Variants in SLC6A16 observed in about 807,000 individuals in gnomAD.
The protein encoded by SLC6A16 is solute carrier family 6 member 16.
A neutral mutation model predicts 65.4 loss-of-function variants in SLC6A16; 54 were observed. The observed-to-expected ratio is 0.83, with a 90% CI of 0.66 to 1.04. The LOEUF (loss-of-function observed/expected upper bound fraction) is 1.04. Ranked by LOEUF, SLC6A16 falls within the 50% of genes least tolerant of loss-of-function variation. SLC6A16 has a pLI of 0.00. For missense variants in SLC6A16, 816 were observed against 914.0 expected, an observed-to-expected ratio of 0.89 and a Z score of 1.38; for synonymous variants, 330 against 346.5, an observed-to-expected ratio of 0.95 and a Z score of 0.53.
intron 7 of SLC6A16, among the ~76,000 whole-genome samples, chr19:49,303,630 G>A (rs1174981452): frequency 6.8e-6 from 1 of 147,856 alleles, no homozygotes; most frequent in Non-Finnish European, 1.5e-5. Flanking sequence ...ACTCCAGCCT[G>A]AGTGACAGTG....
At chr19:49,332,338 C>T in the SLC6A16 span, 32 of 453,130 alleles carry the variant, frequency 7.1e-5, no homozygotes, top group African/African-American at 4.0e-4. Context: ...GGGTGGATCA[C>T]GAGGTCAGGA....
chr19:49,339,685 C>T, the SLC6A16 span: 1 of 1,421,592 alleles, frequency 7.0e-7, no homozygotes, highest in Non-Finnish European at 9.2e-7. This position sits in a 1 kb window ranked among gnomAD's most constrained non-coding sequence, Gnocchi z 4.5. Flanking sequence ...GAGCGTACAG[C>T]TACAGCGCAG....
chr19:49,290,338 G>T lies in SLC6A16; in HGVS notation c.1996C>A (p.Leu666Ile), dbSNP rs761892206. 2.4e-5 allele frequency: 38 copies of T among 1,613,946 alleles called. No individual in the cohort carries two copies. Among genetic ancestry groups the T allele is most frequent in the African/African-American group, 4.0e-5 (3 of 74,878 alleles). The change falls in exon 12 of 12, where the codon CTT becomes ATT. Residue 666 changes from leucine to isoleucine, a missense_variant. Transcript: ENST00000335875. ...PPWALLLMIT[L>I]FAIVILPIPA... The stretch of plus-strand genomic sequence containing the variant: ...ATGGGGAGGATGACAATGGCAAAAA[G>T]GGTGATCATCAAGAGCAGTGCCCAC...
In SLC6A16 at chr19:49,294,399, T is replaced by G. The variant is rs749318396; in HGVS notation, c.1384A>C (p.Thr462Pro). 3.1e-6 allele frequency: 5 copies of G among 1,614,082 alleles called. No homozygotes were observed. The highest frequency in any genetic ancestry group is 4.2e-6 in the Non-Finnish European group (5 of 1,180,014). The change falls in exon 8 of 12, where the codon ACT (threonine) becomes CCT (proline). Residue 462 changes from threonine (T) to proline (P), a missense_variant. Transcript: ENST00000335875. ...HIKSMVLREVTECNIETQFLK... is the reference protein window; with the variant it reads ...HIKSMVLREVPECNIETQFLK... ...AACTGAGTCTCTATGTTGCACTCAG[T>G]CACCTCGCGGAGAACCATGCTTTTG...
chr19:49,299,761 G>A (rs944069560), intron 7 of SLC6A16, among the ~76,000 whole-genome samples: 6 of 151,936 alleles, frequency 3.9e-5, no homozygotes, highest in Non-Finnish European at 8.8e-5. Context: ...GGTGGCTCAC[G>A]CCTGTAATCC....
intron 1 of SLC6A16, among the ~76,000 whole-genome samples, chr19:49,319,288 C>G (rs183789496): frequency 1.3e-5 from 2 of 151,866 alleles, no homozygotes; most frequent in African/African-American, 4.8e-5. Flanking sequence ...AATTTTCCAA[C>G]AAGCCAGATG....
intron 9 of SLC6A16, 80 bp downstream of exon 9, chr19:49,293,747 G>T (rs993249269): frequency 5.2e-5 from 67 of 1,292,416 alleles, no homozygotes; most frequent in Non-Finnish European, 7.2e-5. Flanking sequence ...CTGGGCTACA[G>T]GGACCCTGTC....
intron 7 of SLC6A16, among the ~76,000 whole-genome samples, chr19:49,295,971 C>T (rs533494184): frequency 3.9e-5 from 6 of 152,204 alleles, no homozygotes; most frequent in African/African-American, 9.6e-5. Flanking sequence ...CCAATTAACA[C>T]CATAGCAGGC....
intron 7 of SLC6A16, among the ~76,000 whole-genome samples, chr19:49,300,204 G>C (rs1032439066): frequency 2.0e-5 from 3 of 151,992 alleles, no homozygotes; most frequent in African/African-American, 7.3e-5. Context: ...AAATACATGA[G>C]GTGCATGCTT....
At chr19:49,294,620 A>C in intron 7 of SLC6A16, 67 bp from the exon 8 acceptor site, 1 of 1,341,574 alleles carries the variant, frequency 7.5e-7, no homozygotes, top group Non-Finnish European at 1.0e-6. Flanking sequence ...CTTTTCCCTT[A>C]TCTTCAAGAT....
intron 1 of SLC6A16, among the ~76,000 whole-genome samples, chr19:49,322,260 AT>A (rs1970724109): frequency 6.6e-6 from 1 of 152,216 alleles, no homozygotes; most frequent in African/African-American, 2.4e-5. Flanking sequence ...ACTCAGTTGC[AT>A]TTTTATACAC....
the SLC6A16 span, among the ~76,000 whole-genome samples, chr19:49,330,305 ACC>A: frequency 2.2e-4 from 33 of 152,280 alleles, no homozygotes; most frequent in Admixed American, 7.8e-4. Context: ...CTGCAAGGAG[ACC>A]TGGGAAATGA....
chr19:49,313,471 T>C (rs928590095), intron 1 of SLC6A16, among the ~76,000 whole-genome samples: 1 of 152,062 alleles, frequency 6.6e-6, no homozygotes, highest in African/African-American at 2.4e-5. Context: ...CACTCACCTG[T>C]ATTACTTTAA....
the SLC6A16 span, among the ~76,000 whole-genome samples, chr19:49,334,329 G>A: frequency 3.3e-5 from 5 of 151,758 alleles, no homozygotes; most frequent in African/African-American, 1.2e-4. Context: ...TACAAAAAAT[G>A]AAGAAAATTA....
Position 49,323,330 on chromosome 19 carries a change from A to C in SLC6A16, c.-65+1718T>G, listed in dbSNP as rs148791258. Among the ~76,000 whole-genome samples the C allele has an allele frequency of 6.6e-3, 1,001 of 152,202 alleles. 11 individuals carry two copies. Among genetic ancestry groups the C allele is most frequent in the African/African-American group, 0.023 (947 of 41,470 alleles). On this transcript the variant is annotated intron_variant, in intron 1 of 11. Coordinates refer to ENST00000335875, the MANE Select transcript of SLC6A16 (RefSeq NM_014037.3). ...CAATGAATTCTTGGATATGATACCA[A>C]AGGCAAAAGCAACAAAAGAAGAAAC...
chr19:49,305,485 G>A (rs986410163), intron 7 of SLC6A16, among the ~76,000 whole-genome samples: 2 of 151,900 alleles, frequency 1.3e-5, no homozygotes, highest in Non-Finnish European at 2.9e-5. Context: ...CCAGCTACTC[G>A]GGAAGGTGAG....
At chr19:49,322,119 A>G (rs549417632) in intron 1 of SLC6A16, among the ~76,000 whole-genome samples, 1 of 152,268 alleles carries the variant, frequency 6.6e-6, no homozygotes, top group African/African-American at 2.4e-5. Context: ...AAATATAAAT[A>G]AATAAAAGGA....
intron 1 of SLC6A16, among the ~76,000 whole-genome samples, chr19:49,324,656 C>T (rs369728207): frequency 6.6e-6 from 1 of 152,218 alleles, no homozygotes; most frequent in East Asian, 1.9e-4. Flanking sequence ...AAATAAGGAG[C>T]TGGTGTCCCA....
intron 7 of SLC6A16, among the ~76,000 whole-genome samples, chr19:49,308,594 A>G (rs749346960): frequency 6.6e-6 from 1 of 152,060 alleles, no homozygotes; most frequent in African/African-American, 2.4e-5. Context: ...AATGTTTGCA[A>G]TTTTTAGTAC....
Sources: gnomAD v4.1 joint callset for allele counts (sites outside exome capture counted in the v4.1 genomes callset) on GRCh38, gnomAD v4.1.1 for gene constraint, Gnocchi (gnomAD v3.1) non-coding constraint, MANE v1.5 for transcripts, NCBI Gene and HGNC (gene_info 2026-07-23, HGNC 2026-07-21) for gene names.